MIA2: variants seen among roughly 807,000 people sequenced by gnomAD.
MIA2 encodes the protein MIA SH3 domain ER export factor 2.
MIA2 carries 127 observed loss-of-function variants against 167.8 expected under a neutral mutation model. The ratio of observed to expected loss-of-function variants is 0.76; its 90% CI spans 0.66 to 0.88. The LOEUF is 0.88. MIA2 is among the 40% of genes least tolerant of loss of function. The pLI is 0.00. For missense variants in MIA2, 1,690 were observed against 1,624.7 expected, an observed-to-expected ratio of 1.04 and a Z score of -0.69; for synonymous variants, 552 against 541.9, an observed-to-expected ratio of 1.02 and a Z score of -0.26.
chr14:39,348,821 C>G lies in MIA2; in HGVS notation c.3916C>G (p.Pro1306Ala), dbSNP rs1488714322. 1 of 1,613,844 alleles carries G rather than the reference C, an allele frequency of 6.2e-7. No individual in the cohort carries two copies. The highest frequency in any genetic ancestry group is 8.5e-7 in the Non-Finnish European group (1 of 1,179,894). ...TGGCTTTGTTCCTCCACCTCTTGCTCCAATCAGAGGTCCATTGTTTCCAGT... is the reference window on the plus strand; with the variant it reads ...TGGCTTTGTTCCTCCACCTCTTGCTGCAATCAGAGGTCCATTGTTTCCAGT... The part of the protein sequence containing the change: ...GPGFVPPPLA[P>A]IRGPLFPVDA... The change falls in exon 28 of 29, where the codon CCA becomes GCA. Residue 1306 changes from proline to alanine, a missense_variant. By Grantham distance (27) the Pro-to-Ala change is conservative. Coordinates refer to ENST00000640607, the MANE Select transcript of MIA2 (RefSeq NM_001329214.4).
intron 9 of MIA2, among the ~76,000 whole-genome samples, chr14:39,288,432 C>CATATATATAT (rs759995143): frequency 1.9e-5 from 1 of 52,880 alleles, no homozygotes; most frequent in Non-Finnish European, 3.3e-5. Context: ...ATATATTATA[C>CATATATATAT]ATATATATAT....
Position 39,325,571 on chromosome 14 carries a change from G to GTT in MIA2, c.3497-1292_3497-1291dup, listed in dbSNP as rs1566931236. ...TTTAGTAGAGATGGGGTTTCACCTT[G>GTT]TTAGCCAGGATGGTCTCGATCTCCT... is the stretch of plus-strand genomic sequence containing the variant. On this transcript the variant is annotated intron_variant, in intron 24 of 28. Coordinates refer to ENST00000640607, the MANE Select transcript of MIA2 (RefSeq NM_001329214.4). 1.3e-4 allele frequency among the ~76,000 whole-genome samples: 20 copies of GTT among 150,708 alleles called. 1 individual carries two copies. The highest frequency in any genetic ancestry group is 4.9e-4 in the African/African-American group (20 of 41,016).
At chr14:39,369,519 C>A (rs768602620) in intron 23 of MIA2, among the ~76,000 whole-genome samples, 3 of 152,172 alleles carry the variant, frequency 2.0e-5, no homozygotes, top group Non-Finnish European at 4.4e-5. Flanking sequence ...GCTTCCAGCC[C>A]CTGGTAACAG....
exon 24 of MIA2, chr14:39,387,769 A>C (rs2075291596): frequency 6.6e-6 from 1 of 152,348 alleles, no homozygotes; most frequent in African/African-American, 2.4e-5. Flanking sequence ...CTGTTGTCTC[A>C]TTTAAGAAAT....
intron 6 of MIA2, among the ~76,000 whole-genome samples, chr14:39,269,924 G>T (rs2056826658): frequency 6.6e-6 from 1 of 152,172 alleles, no homozygotes; most frequent in Non-Finnish European, 1.5e-5. Flanking sequence ...TGGCTATTAT[G>T]AATAATGCTG....
At chr14:39,382,953 GTTTTTTTT>G (rs10689511) in intron 23 of MIA2, among the ~76,000 whole-genome samples, 2 of 75,044 alleles carry the variant, frequency 2.7e-5, no homozygotes, top group East Asian at 3.7e-4. Flanking sequence ...TATGGCCACA[GTTTTTTTT>G]TTTTTTTTTT....
At chr14:39,314,867 T>A in intron 20 of MIA2, 68 bp downstream of exon 20, 1 of 1,145,862 alleles carries the variant, frequency 8.7e-7, no homozygotes, top group Admixed American at 2.8e-5. Flanking sequence ...CAATTCTGAT[T>A]TCTTTGAATT....
chr14:39,293,173 G>GT (rs2060962606), intron 10 of MIA2, 98 bp from the exon 11 acceptor site: 1 of 839,442 alleles, frequency 1.2e-6, no homozygotes, highest in African/African-American at 1.8e-5. Flanking sequence ...ATAAATGAAA[G>GT]TTATTTAACT....
chr14:39,326,119 C>T (rs532188945), intron 24 of MIA2, among the ~76,000 whole-genome samples: 1 of 152,200 alleles, frequency 6.6e-6, no homozygotes, highest in East Asian at 1.9e-4. Flanking sequence ...TTTTCTTATC[C>T]AAAAGAATGT....
rs1490448817 is a variant in MIA2, at chr14:39,277,716, G to A, written c.2019+651G>A. On this transcript the variant is annotated intron_variant, in intron 7 of 28. Coordinates refer to ENST00000640607, the MANE Select transcript of MIA2 (RefSeq NM_001329214.4). ...TGTATATATATATATATATATATAT[G>A]TGTGTATATATATATATATATATAT... 0.04 allele frequency among the ~76,000 whole-genome samples: 87 copies of A among 2,172 alleles called. 14 individuals carry two copies. The East Asian group carries it at 0.62, about 15-fold the overall frequency. 1.4% of individuals were successfully genotyped at this position (2,172 alleles called of 152,430 possible). A position where few individuals can be genotyped will look rare whatever the true frequency, so the allele number is the denominator to read the frequency against.
In MIA2 at chr14:39,311,577, A is replaced by G. The variant is rs375305032; in HGVS notation, c.3018-1763A>G. Among the ~76,000 whole-genome samples the G allele has an allele frequency of 1.2e-4, 18 of 144,952 alleles. No homozygotes were observed. In the East Asian group the frequency reaches 2.0e-3, roughly 16 times the overall value. ...ACCACAAGCTCCGCCTCCCGGGTTC[A>G]CGCCATTCTCCTTCCTCAGCCTCCC... On this transcript the variant is annotated intron_variant, in intron 18 of 28. Coordinates refer to ENST00000640607, the MANE Select transcript of MIA2 (RefSeq NM_001329214.4).
chr14:39,286,235 G>T (rs1310362422), intron 9 of MIA2, among the ~76,000 whole-genome samples: 5 of 152,240 alleles, frequency 3.3e-5, no homozygotes, highest in African/African-American at 1.2e-4. Flanking sequence ...TCTTGGTTAG[G>T]AGCTGGAGAC....
chr14:39,316,989 G>T (rs182154538), intron 21 of MIA2, among the ~76,000 whole-genome samples: 2 of 152,224 alleles, frequency 1.3e-5, no homozygotes, highest in East Asian at 1.9e-4. Flanking sequence ...CTCCCTCACC[G>T]CTGCGTATTT....
At chr14:39,331,959 T>C (rs2068990739) in intron 25 of MIA2, among the ~76,000 whole-genome samples, 2 of 152,270 alleles carry the variant, frequency 1.3e-5, no homozygotes, top group South Asian at 4.1e-4. Flanking sequence ...AGAGTGTCTT[T>C]GTATTTCGTG....
chr14:39,264,416 C>T (rs1426523762), intron 6 of MIA2, among the ~76,000 whole-genome samples: 3 of 152,118 alleles, frequency 2.0e-5, no homozygotes, highest in African/African-American at 4.8e-5. Context: ...TGAGAGTGCA[C>T]GTGTCTTTTG....
intron 24 of MIA2, among the ~76,000 whole-genome samples, chr14:39,326,001 A>C (rs150963725): frequency 0.02 from 3,078 of 152,326 alleles, 104 homozygotes; most frequent in African/African-American, 0.068. Flanking sequence ...GGCATGGGCC[A>C]CTGCGTCCAG....
chr14:39,273,737 A>G (rs1390138692), intron 6 of MIA2, among the ~76,000 whole-genome samples: 1 of 151,896 alleles, frequency 6.6e-6, no homozygotes, highest in Non-Finnish European at 1.5e-5. Context: ...GTTTGTCAAT[A>G]TTTTTTTGAG....
chr14:39,260,112 T>C (rs1201477937), intron 6 of MIA2, among the ~76,000 whole-genome samples: 1 of 152,234 alleles, frequency 6.6e-6, no homozygotes, highest in Non-Finnish European at 1.5e-5. Context: ...CTGTCATTGA[T>C]GGACATTTGG....
chr14:39,346,433 A>C (rs2073266872), intron 26 of MIA2, among the ~76,000 whole-genome samples: 1 of 152,140 alleles, frequency 6.6e-6, no homozygotes, highest in Non-Finnish European at 1.5e-5. Flanking sequence ...AATCAGTTAT[A>C]TTAAACATTT....
Sources: gnomAD v4.1 joint callset for allele counts (sites outside exome capture counted in the v4.1 genomes callset) on GRCh38, gnomAD v4.1.1 for gene constraint, MANE v1.5 for transcripts, NCBI Gene and HGNC (gene_info 2026-07-23, HGNC 2026-07-21) for gene names.